CARMIL1: variants seen among roughly 807,000 people sequenced by gnomAD.
The protein encoded by CARMIL1 is F-actin-uncapping protein LRRC16A.
A neutral mutation model predicts 177.1 loss-of-function variants in CARMIL1; 90 were observed. The observed-to-expected ratio is 0.51, with a 90% CI of 0.43 to 0.61. CARMIL1 has a LOEUF of 0.61. Ranked by LOEUF, CARMIL1 falls within the 20% of genes least tolerant of loss-of-function variation. CARMIL1 has a pLI of 0.00. For synonymous variants in CARMIL1, 577 were observed against 606.2 expected, an observed-to-expected ratio of 0.95 and a Z score of 0.71; for missense variants, 1,380 against 1,667.0, an observed-to-expected ratio of 0.83 and a Z score of 3.00.
chr6:25,352,409 T>C (rs11967836), intron 2 of CARMIL1, among the ~76,000 whole-genome samples: 17,412 of 152,022 alleles, frequency 0.11, 1,124 homozygotes, highest in African/African-American at 0.18. Context: ...ACTTAATATA[T>C]GACTAATGTA....
At chr6:25,456,994 T>G (rs1799592546) in intron 8 of CARMIL1, among the ~76,000 whole-genome samples, 1 of 152,140 alleles carries the variant, frequency 6.6e-6, no homozygotes, top group Admixed American at 6.5e-5. Flanking sequence ...TTTTTTTTTT[T>G]TTTTAATTCC....
intron 26 of CARMIL1, among the ~76,000 whole-genome samples, chr6:25,550,295 A>C (rs1809955224): frequency 6.6e-6 from 1 of 152,234 alleles, no homozygotes. Flanking sequence ...AATGCTGTCT[A>C]TAAGGTGCTA....
intron 32 of CARMIL1, 146 bp downstream of exon 32, chr6:25,594,673 C>T (rs1814647750): frequency 1.7e-6 from 1 of 579,878 alleles, no homozygotes; most frequent in Middle Eastern, 4.7e-4. Flanking sequence ...TCTGGGCCGG[C>T]AATACCAGTG....
At chr6:25,491,335 G>T (rs1234382197) in intron 13 of CARMIL1, among the ~76,000 whole-genome samples, 1 of 152,178 alleles carries the variant, frequency 6.6e-6, no homozygotes, top group East Asian at 1.9e-4. Context: ...CAGATTCGTA[G>T]TTCTGCAAAC....
intron 26 of CARMIL1, among the ~76,000 whole-genome samples, chr6:25,548,090 T>A (rs1809696786): frequency 6.6e-6 from 1 of 152,106 alleles, no homozygotes; most frequent in South Asian, 2.1e-4. Flanking sequence ...GGATTATGAA[T>A]AGTTATAAAG....
chr6:25,294,488 G>T (rs1305603634), intron 2 of CARMIL1, among the ~76,000 whole-genome samples: 1 of 152,072 alleles, frequency 6.6e-6, no homozygotes, highest in East Asian at 1.9e-4. Context: ...CGACAGCTAG[G>T]TATCTACTTT....
At chr6:25,358,085 TA>T (rs1039543265) in intron 2 of CARMIL1, among the ~76,000 whole-genome samples, 1 of 152,196 alleles carries the variant, frequency 6.6e-6, no homozygotes, top group Non-Finnish European at 1.5e-5. Flanking sequence ...TTTTCGGTAA[TA>T]AAAATTAATA....
At chr6:25,505,409 TC>T (rs1283555540) in intron 17 of CARMIL1, among the ~76,000 whole-genome samples, 1 of 152,156 alleles carries the variant, frequency 6.6e-6, no homozygotes, top group African/African-American at 2.4e-5. Flanking sequence ...TGAGTAGTAT[TC>T]CCATGTACCC....
intron 23 of CARMIL1, among the ~76,000 whole-genome samples, chr6:25,526,209 G>T (rs185014958): frequency 6.6e-6 from 1 of 151,802 alleles, no homozygotes; most frequent in Non-Finnish European, 1.5e-5. Context: ...CAGGCGTGGT[G>T]GTGGGCACCT....
chr6:25,464,118 G>A (rs1048575689), intron 8 of CARMIL1, among the ~76,000 whole-genome samples: 9 of 151,972 alleles, frequency 5.9e-5, no homozygotes, highest in Non-Finnish European at 1.2e-4. Flanking sequence ...CACTGCGCCC[G>A]GCCAGTTGTT....
intron 29 of CARMIL1, among the ~76,000 whole-genome samples, chr6:25,567,262 A>G (rs913334265): frequency 6.6e-6 from 1 of 152,098 alleles, no homozygotes; most frequent in African/African-American, 2.4e-5. Context: ...CTGAGGGCTT[A>G]CACTGAGTGT....
At position 25,500,173 on chromosome 6, in the gene CARMIL1, T is replaced by C. The variant is rs1414964354; in HGVS notation, c.1333T>C (p.Leu445=). 6.2e-7 allele frequency: 1 copy of C among 1,613,900 alleles called. No homozygotes were observed. Among genetic ancestry groups the C allele is most frequent in the Non-Finnish European group, 8.5e-7 (1 of 1,179,828 alleles). ...TGTGTTTCCTCCCCTCAGAGCACTG[T>C]TATTGGGCCTGGCTTGTAATCATAA... ...KLSPEPLKAL[L]LGLACNHNLK... The change falls in exon 17 of 37, where the codon TTA becomes CTA. Residue 445 remains leucine (L), a synonymous_variant. Coordinates refer to ENST00000329474, the MANE Select transcript of CARMIL1 (RefSeq NM_017640.6).
chr6:25,448,017 C>A (rs764862842), intron 5 of CARMIL1, among the ~76,000 whole-genome samples: 3 of 152,160 alleles, frequency 2.0e-5, no homozygotes, highest in Non-Finnish European at 4.4e-5. Flanking sequence ...CTGCTGAGGG[C>A]TGCAGGAGGA....
At chr6:25,452,018 G>A in intron 8 of CARMIL1, 1 of 326,834 alleles carries the variant, frequency 3.1e-6, no homozygotes, top group Non-Finnish European at 5.7e-6. Flanking sequence ...ATACTGTTTT[G>A]AATTATTTTT....
chr6:25,413,688 G>C (rs192011458), intron 2 of CARMIL1, among the ~76,000 whole-genome samples: 1 of 152,308 alleles, frequency 6.6e-6, no homozygotes, highest in East Asian at 1.9e-4. Flanking sequence ...TGAAAATGTG[G>C]TTTGCATGTT....
chr6:25,581,316 C>G lies in CARMIL1; in HGVS notation c.2883C>G (p.Leu961=). 8 of 1,613,920 alleles carry G rather than the reference C, an allele frequency of 5.0e-6. No homozygotes were observed. Among genetic ancestry groups the G allele is most frequent in the Non-Finnish European group, 6.8e-6 (8 of 1,179,864 alleles). ...IHIEDPPFPS[L]RQEKRSSGFI... The stretch of plus-strand genomic sequence containing the variant: ...TCGAAGACCCGCCCTTCCCATCCCT[C>G]AGACAGGAGAAGCGGAGCTCGGGAT... The change falls in exon 31 of 37, where the codon CTC becomes CTG. Residue 961 remains leucine, a synonymous_variant. Coordinates refer to ENST00000329474, the MANE Select transcript of CARMIL1 (RefSeq NM_017640.6).
intron 2 of CARMIL1, among the ~76,000 whole-genome samples, chr6:25,335,380 A>G (rs888622035): frequency 2.6e-5 from 4 of 152,254 alleles, no homozygotes; most frequent in Non-Finnish European, 5.9e-5. Flanking sequence ...GTGTTAAATT[A>G]TGAAAATGAA....
chr6:25,580,885 C>G, intron 29 of CARMIL1, 39 bp from the exon 30 acceptor site: 1 of 1,466,332 alleles, frequency 6.8e-7, no homozygotes, highest in Non-Finnish European at 9.4e-7. Context: ...TTTTCTGTGG[C>G]TACCTAAGTG....
chr6:25,531,056 T>C (rs1807720218), intron 24 of CARMIL1, among the ~76,000 whole-genome samples: 1 of 152,216 alleles, frequency 6.6e-6, no homozygotes, highest in South Asian at 2.1e-4. Flanking sequence ...TGAATGGTAG[T>C]GTAAGTATGC....
Sources: gnomAD v4.1 joint callset for allele counts (sites outside exome capture counted in the v4.1 genomes callset) on GRCh38, gnomAD v4.1.1 for gene constraint, MANE v1.5 for transcripts, NCBI Gene and HGNC (gene_info 2026-07-23, HGNC 2026-07-21) for gene names.